Variants in DNAAF5 observed in about 807,000 individuals in gnomAD.
The protein encoded by DNAAF5 is HEAT repeat containing 2.
DNAAF5 carries 64 observed loss-of-function variants against 75.8 expected under a neutral mutation model. The ratio of observed to expected loss-of-function variants is 0.84; its 90% CI spans 0.69 to 1.04. The LOEUF is 1.04. Ranked by LOEUF, DNAAF5 falls within the 50% of genes least tolerant of loss-of-function variation. DNAAF5 has a pLI of 0.00. For synonymous variants in DNAAF5, 657 were observed against 557.2 expected (o/e 1.18, Z -2.52); for missense variants, 1,269 against 1,178.5 (o/e 1.08, Z -1.12).
chr7:763,649 C>T (rs1341765424), intron 7 of DNAAF5, among the ~76,000 whole-genome samples, 157 bp from the exon 8 acceptor site: 1 of 152,252 alleles, frequency 6.6e-6, no homozygotes, highest in African/African-American at 2.4e-5. Flanking sequence ...CTCCTGCACC[C>T]TGGGCGGGGC....
intron 1 of DNAAF5, among the ~76,000 whole-genome samples, chr7:728,435 C>T (rs1781440892): frequency 6.6e-6 from 1 of 152,172 alleles, no homozygotes; most frequent in Admixed American, 6.5e-5. Flanking sequence ...AAGATCACTG[C>T]AGCTGCGTGG....
At chr7:778,036 A>G (rs1274164809) in intron 11 of DNAAF5, 1 of 152,216 alleles carries the variant, frequency 6.6e-6, no homozygotes, top group African/African-American at 2.4e-5. Context: ...GATTCACAGT[A>G]CACACGGCGC....
chr7:748,907 C>T (rs190431428), intron 4 of DNAAF5, among the ~76,000 whole-genome samples: 6 of 152,348 alleles, frequency 3.9e-5, no homozygotes, highest in Admixed American at 1.3e-4. Flanking sequence ...CTAATGCAGA[C>T]GGTGCTCAGA....
rs114695987 is a variant in DNAAF5, at chr7:776,809, G to C, written c.2239+1647G>C. Among the ~76,000 whole-genome samples the C allele has an allele frequency of 3.1e-3, 475 of 152,352 alleles. 3 individuals carry two copies. The highest frequency in any genetic ancestry group is 0.011 in the African/African-American group (440 of 41,578). On this transcript the variant is annotated intron_variant, in intron 11 of 12. Coordinates refer to ENST00000297440, the MANE Select transcript of DNAAF5 (RefSeq NM_017802.4). ...CCACCCAGGCCATGGGCCAGTACCT[G>C]TCCGGGTCCTGTTAGGAACCAGACT...
intron 8 of DNAAF5, chr7:769,051 G>A (rs1778458997): frequency 3.0e-6 from 2 of 668,658 alleles, no homozygotes; most frequent in Admixed American, 2.1e-5. Flanking sequence ...GTCTCACCGC[G>A]AGGCCTGACT....
chr7:749,211 G>T (rs759037675), intron 4 of DNAAF5, among the ~76,000 whole-genome samples: 2 of 152,282 alleles, frequency 1.3e-5, no homozygotes, highest in South Asian at 2.1e-4. Context: ...ACACGTTCAC[G>T]CCTGGTGTGT....
chr7:726,929 AG>A lies in DNAAF5; in HGVS notation c.212del (p.Gly71AlafsTer15). On this transcript the variant is annotated frameshift_variant, in exon 1 of 13. Coordinates refer to ENST00000297440, the MANE Select transcript of DNAAF5 (RefSeq NM_017802.4). LOFTEE classifies it high-confidence loss of function. ...PGPAADPTAF[Q>X]GPWARLLLPR... Reference sequence around the variant, plus strand: ...CCTGCCGCCGACCCCACCGCTTTCCAGGGCCCCTGGGCGCGCCTACTGCTGC... The same window carrying A: ...CCTGCCGCCGACCCCACCGCTTTCCAGGCCCCTGGGCGCGCCTACTGCTGC... 1 of 1,347,266 alleles carries A rather than the reference AG, an allele frequency of 7.4e-7. No homozygotes were observed. Among genetic ancestry groups the A allele is most frequent in the Non-Finnish European group, 9.6e-7 (1 of 1,046,656 alleles). The allele number at this position is 1,347,266 out of a possible 1,614,324, so 83.5% of individuals were successfully genotyped here. A position where few individuals can be genotyped will look rare whatever the true frequency, so the allele number is the denominator to read the frequency against.
chr7:781,134 T>A (rs1020185208), intron 12 of DNAAF5, among the ~76,000 whole-genome samples: 3 of 152,240 alleles, frequency 2.0e-5, no homozygotes, highest in African/African-American at 7.2e-5. Flanking sequence ...ATCTTACTCA[T>A]TCTGTTTTTG....
chr7:743,399 G>C (rs566283909), intron 4 of DNAAF5, among the ~76,000 whole-genome samples: 1 of 151,190 alleles, frequency 6.6e-6, no homozygotes, highest in Non-Finnish European at 1.5e-5. Flanking sequence ...ACAAAAAACA[G>C]TTTCTCATGT....
At chr7:753,295 G>C (rs1782365586) in intron 4 of DNAAF5, among the ~76,000 whole-genome samples, 1 of 152,212 alleles carries the variant, frequency 6.6e-6, no homozygotes, top group East Asian at 1.9e-4. Flanking sequence ...CCACTTCCCA[G>C]GTTCAGAAAG....
chr7:780,282 G>C (rs1778893427), intron 12 of DNAAF5, 138 bp downstream of exon 12: 5 of 726,638 alleles, frequency 6.9e-6, no homozygotes, highest in African/African-American at 1.8e-5. Flanking sequence ...GCACACTCTT[G>C]AGTTCTTGGC....
At chr7:773,340 G>A (rs747806942) in intron 9 of DNAAF5, among the ~76,000 whole-genome samples, 3 of 152,228 alleles carry the variant, frequency 2.0e-5, no homozygotes, top group Admixed American at 6.5e-5. Flanking sequence ...GACGCTGGAG[G>A]GCTGCGGGCT....
chr7:727,423 C>T, intron 1 of DNAAF5, 108 bp downstream of exon 1: 1 of 476,998 alleles, frequency 2.1e-6, no homozygotes. Flanking sequence ...CCCCCCTCCA[C>T]GCCCGCACCC....
At chr7:747,193 C>T (rs889154524) in intron 4 of DNAAF5, among the ~76,000 whole-genome samples, 3 of 152,262 alleles carry the variant, frequency 2.0e-5, no homozygotes, top group African/African-American at 7.2e-5. Flanking sequence ...AAACTCACCA[C>T]ACACTGTTTT....
chr7:765,570 G>C (rs1177306519), intron 8 of DNAAF5, among the ~76,000 whole-genome samples: 2 of 152,156 alleles, frequency 1.3e-5, no homozygotes, highest in Non-Finnish European at 2.9e-5. Flanking sequence ...ATTTCTTATG[G>C]TGTTGGCGGA....
At position 726,847 on chromosome 7, in the gene DNAAF5, A is replaced by G; in HGVS notation, c.127A>G (p.Lys43Glu). 7.6e-7 allele frequency: 1 copy of G among 1,322,294 alleles called. No individual in the cohort carries two copies. The highest frequency in any genetic ancestry group is 1.5e-5 in the African/African-American group (1 of 64,958). The allele number at this position is 1,322,294 out of a possible 1,614,324, so 81.9% of individuals were successfully genotyped here. The change falls in exon 1 of 13, where the codon AAG becomes GAG. Residue 43 changes from lysine (K) to glutamate (E), a missense_variant. Lys to Glu is a moderately conservative substitution (Grantham distance 56, BLOSUM62 1). Transcript: ENST00000297440. ...RLLPGLEADS[K>E]PGRRRALEAL... Reference sequence around the variant, plus strand: ...GCTGCCGGGGCTGGAGGCCGACAGCAAGCCGGGCCGGCGGCGCGCCTTGGA... The same window carrying G: ...GCTGCCGGGGCTGGAGGCCGACAGCGAGCCGGGCCGGCGGCGCGCCTTGGA...
chr7:745,662 C>G (rs1386639563), intron 4 of DNAAF5, among the ~76,000 whole-genome samples: 1 of 151,208 alleles, frequency 6.6e-6, no homozygotes, highest in Admixed American at 6.6e-5. Context: ...CACACTTATC[C>G]TCACACACGT....
chr7:736,619 G>A (rs928840611), intron 2 of DNAAF5, among the ~76,000 whole-genome samples: 2 of 152,112 alleles, frequency 1.3e-5, no homozygotes, highest in Non-Finnish European at 2.9e-5. Flanking sequence ...ATTTCTTGTA[G>A]GCAACAGATT....
At chr7:744,703 G>C (rs1782026225) in intron 4 of DNAAF5, among the ~76,000 whole-genome samples, 1 of 152,204 alleles carries the variant, frequency 6.6e-6, no homozygotes, top group Non-Finnish European at 1.5e-5. Context: ...TACACTGTTG[G>C]TGGGACTGTA....
Sources: allele counts gnomAD v4.1 joint callset (sites outside exome capture counted in the v4.1 genomes callset), GRCh38; gene constraint gnomAD v4.1.1; transcripts MANE v1.5; gene names NCBI Gene and HGNC (gene_info 2026-07-23, HGNC 2026-07-21).